Variants in ST3GAL5 observed in about 807,000 individuals in gnomAD.
The protein encoded by ST3GAL5 is lactosylceramide alpha-2,3-sialyltransferase.
In ST3GAL5, 25 loss-of-function variants were observed where a neutral mutation model predicts 46.1. The ratio of observed to expected loss-of-function variants is 0.54; its 90% CI spans 0.40 to 0.76. ST3GAL5 has a LOEUF of 0.76. ST3GAL5 is among the 30% of genes least tolerant of loss of function. The probability of loss-of-function intolerance (pLI) is 0.00; values close to 1 mark genes in which losing one functional copy is unlikely to be tolerated. For missense variants in ST3GAL5, 431 were observed against 521.2 expected (o/e 0.83, Z 1.69); for synonymous variants, 182 against 192.7 (o/e 0.94, Z 0.46).
chr2:85,887,919 C>G (rs1357872207), intron 1 of ST3GAL5: 1 of 152,228 alleles, frequency 6.6e-6, no homozygotes, highest in African/African-American at 2.4e-5. Flanking sequence ...AAACCATTTT[C>G]CCCTTCAAAT....
intron 1 of ST3GAL5, among the ~76,000 whole-genome samples, chr2:85,869,151 G>T (rs1685622837): frequency 1.3e-5 from 2 of 152,204 alleles, no homozygotes; most frequent in Admixed American, 6.5e-5. Context: ...CTGGGCTCAA[G>T]CGATACTCCC....
intron 1 of ST3GAL5, chr2:85,887,991 G>A (rs965595562): frequency 3.3e-5 from 5 of 152,168 alleles, no homozygotes; most frequent in Non-Finnish European, 7.4e-5. Context: ...TATAAAATTC[G>A]TCTTCCGAGT....
intron 5 of ST3GAL5, chr2:85,845,725 T>C (rs538087835): frequency 1.3e-5 from 2 of 152,746 alleles, no homozygotes; most frequent in African/African-American, 4.8e-5. Flanking sequence ...CAGGGTCTCA[T>C]TTGTCTCTCA....
chr2:85,857,057 T>G, intron 3 of ST3GAL5, among the ~76,000 whole-genome samples: 1 of 112,258 alleles, frequency 8.9e-6, no homozygotes, highest in Non-Finnish European at 1.7e-5. Context: ...GGTAAGACCC[T>G]GCCTCTACCA....
At chr2:85,870,291 A>G (rs1174556421) in intron 1 of ST3GAL5, 1 of 463,150 alleles carries the variant, frequency 2.2e-6, no homozygotes, top group East Asian at 7.1e-5. Context: ...AAGGGCATCC[A>G]TATCTGTTTA....
intron 3 of ST3GAL5, among the ~76,000 whole-genome samples, chr2:85,859,212 C>T (rs963837244): frequency 1.4e-4 from 21 of 152,268 alleles, no homozygotes; most frequent in Admixed American, 4.6e-4. Flanking sequence ...AGAACAATCA[C>T]TTTACAGTTG....
chr2:85,878,019 G>A (rs1021009780), intron 1 of ST3GAL5, among the ~76,000 whole-genome samples: 1 of 152,184 alleles, frequency 6.6e-6, no homozygotes, highest in Non-Finnish European at 1.5e-5. Flanking sequence ...AGCAAGAAGA[G>A]ACACCCAGGT....
At chr2:85,867,912 T>G (rs952755591) in intron 1 of ST3GAL5, 2 of 516,444 alleles carry the variant, frequency 3.9e-6, no homozygotes, top group African/African-American at 3.8e-5. Context: ...CAAGATGGCA[T>G]TGCTTTAGCC....
At chr2:85,859,568 C>A (rs1285093941) in intron 3 of ST3GAL5, among the ~76,000 whole-genome samples, 1 of 152,146 alleles carries the variant, frequency 6.6e-6, no homozygotes, top group Non-Finnish European at 1.5e-5. Context: ...CCTGAGGACA[C>A]CTATGCTGGG....
At chr2:85,885,238 G>A (rs1687614435) in intron 1 of ST3GAL5, among the ~76,000 whole-genome samples, 1 of 152,218 alleles carries the variant, frequency 6.6e-6, no homozygotes, top group South Asian at 2.1e-4. Context: ...GAGAGGAGTG[G>A]TTTGTTTGCA....
intron 1 of ST3GAL5, among the ~76,000 whole-genome samples, chr2:85,884,585 C>T (rs1335671578): frequency 6.6e-6 from 1 of 152,152 alleles, no homozygotes; most frequent in Non-Finnish European, 1.5e-5. Context: ...GTGACAACAA[C>T]TGGACTGCAG....
Position 85,851,665 on chromosome 2 carries a change from GAAGA to G in ST3GAL5, c.319-3465_319-3462del, listed in dbSNP as rs778657828. Reference sequence around the variant, plus strand: ...CTGCTTGCCCATAGCTCACAGCTCAGAAGAAAGTGCCTCAAGGCGAGTGCCGCAC... The same window carrying G: ...CTGCTTGCCCATAGCTCACAGCTCAGAAGTGCCTCAAGGCGAGTGCCGCAC... On this transcript the variant is annotated intron_variant, in intron 3 of 6. Transcript: ENST00000638572. 17 of 1,289,434 alleles carry G rather than the reference GAAGA, an allele frequency of 1.3e-5. No homozygotes were observed. In the South Asian group the frequency reaches 2.0e-4, roughly 15 times the overall value. 79.9% of individuals were successfully genotyped at this position (1,289,434 alleles called of 1,614,324 possible).
At chr2:85,882,210 G>A (rs1246224565) in intron 1 of ST3GAL5, among the ~76,000 whole-genome samples, 1 of 152,214 alleles carries the variant, frequency 6.6e-6, no homozygotes, top group Non-Finnish European at 1.5e-5. Context: ...CAGGGGCGGG[G>A]ACCTCATGGA....
intron 3 of ST3GAL5, chr2:85,851,717 AGG>A: frequency 7.8e-7 from 1 of 1,289,322 alleles, no homozygotes; most frequent in Non-Finnish European, 1.0e-6. Context: ...CAATGAAGAG[AGG>A]AAGCAGTGTG....
chr2:85,851,077 C>G (rs956160880), intron 3 of ST3GAL5: 31 of 192,664 alleles, frequency 1.6e-4, no homozygotes, highest in African/African-American at 6.9e-4. Flanking sequence ...CTGACACACC[C>G]GGCTACTTTT....
chr2:85,837,481 A>G lies in ST3GAL5; in HGVS notation c.*2663T>C, dbSNP rs1019726615. 1 of 152,246 alleles carries G rather than the reference A, an allele frequency of 6.6e-6. No individual in the cohort carries two copies. The highest frequency in any genetic ancestry group is 2.4e-5 in the African/African-American group (1 of 41,464). The allele number at this position is 152,246 out of a possible 1,614,324, so 9.4% of individuals were successfully genotyped here. A position where few individuals can be genotyped will look rare whatever the true frequency, so the allele number is the denominator to read the frequency against. ...GGTTGATTAATGGGTACAAACATAC[A>G]GTTTGATAAAAGAAACAAGACCTAG... is the stretch of plus-strand genomic sequence containing the variant. On this transcript the variant is annotated 3_prime_UTR_variant, in exon 7 of 7. Transcript: ENST00000638572.
intron 3 of ST3GAL5, chr2:85,858,087 A>G (rs1684340718): frequency 6.6e-6 from 1 of 152,190 alleles, no homozygotes; most frequent in African/African-American, 2.4e-5. Context: ...AAAGTCACTG[A>G]GTTGGGGACT....
chr2:85,878,936 G>A (rs1015898725), intron 1 of ST3GAL5, among the ~76,000 whole-genome samples: 11 of 152,144 alleles, frequency 7.2e-5, no homozygotes, highest in South Asian at 4.1e-4. Context: ...GAGAGGAGGC[G>A]GCATTCCAGA....
At chr2:85,848,637 A>G in intron 3 of ST3GAL5, 2 of 337,144 alleles carry the variant, frequency 5.9e-6, no homozygotes, top group Non-Finnish European at 1.2e-5. Context: ...GACCTGACTT[A>G]TATGAGGTAT....
Sources: gnomAD v4.1 joint callset for allele counts (sites outside exome capture counted in the v4.1 genomes callset) on GRCh38, gnomAD v4.1.1 for gene constraint, MANE v1.5 for transcripts, NCBI Gene and HGNC (gene_info 2026-07-23, HGNC 2026-07-21) for gene names.